The following NCOA2 variants were observed in gnomAD, a reference collection of about 807,000 sequenced individuals.
The protein encoded by NCOA2 is class E basic helix-loop-helix protein 75.
In NCOA2, 21 loss-of-function variants were observed where a neutral mutation model predicts 145.1. That is an observed-to-expected ratio of 0.14 (90% confidence interval 0.10 to 0.21). NCOA2 has a LOEUF of 0.21. NCOA2 is among the 10% of genes least tolerant of loss of function. NCOA2 has a pLI of 1.00. For missense variants in NCOA2, 1,472 were observed against 1,837.6 expected (o/e 0.80, Z 3.64); for synonymous variants, 619 against 637.5 (o/e 0.97, Z 0.44).
rs753457737 is a variant in NCOA2 at position 70,126,860 on chromosome 8, C to T, written c.3869G>A (p.Arg1290Gln). The T allele has an allele frequency of 1.3e-5, 21 of 1,613,902 alleles. No individual in the cohort carries two copies. The highest frequency in any genetic ancestry group is 1.7e-5 in the Non-Finnish European group (20 of 1,179,880). Residue 1290 changes from arginine (R) to glutamine (Q), a missense_variant, in exon 19 of 23, where the codon CGG becomes CAG. By Grantham distance (43) the Arg-to-Gln change is conservative. Transcript: ENST00000452400. ...CTGCTGTGCATTTGCCTGGGGAATCCGAGGGTTGCTCATAGTTGCTGGCAT... is the reference window on the plus strand; with the variant it reads ...CTGCTGTGCATTTGCCTGGGGAATCTGAGGGTTGCTCATAGTTGCTGGCAT... ...SGMPATMSNP[R>Q]IPQANAQQFP...
chr8:70,112,279 TATCTA>T lies in NCOA2; in HGVS notation c.*1348_*1352del, dbSNP rs1274464956. The T allele has an allele frequency of 5.1e-6, 1 of 196,128 alleles. No individual in the cohort carries two copies. Among genetic ancestry groups the T allele is most frequent in the Non-Finnish European group, 1.1e-5 (1 of 94,262 alleles). 12.1% of individuals were successfully genotyped at this position (196,128 alleles called of 1,614,324 possible). ...CCTTTAGGAGACATTGCTATGAAGA[TATCTA>T]ATTTAATACTGAAGTACCTCATTTT... On this transcript the variant is annotated 3_prime_UTR_variant, in exon 23 of 23. Coordinates refer to ENST00000452400, the MANE Select transcript of NCOA2 (RefSeq NM_006540.4).
chr8:70,196,433 G>A (rs903924468), intron 4 of NCOA2, among the ~76,000 whole-genome samples: 7 of 152,054 alleles, frequency 4.6e-5, no homozygotes, highest in African/African-American at 1.7e-4. Context: ...CACCTATGAT[G>A]GATATACATC....
chr8:70,441,269 A>C, the NCOA2 span, among the ~76,000 whole-genome samples: 1 of 150,488 alleles, frequency 6.6e-6, no homozygotes, highest in Non-Finnish European at 1.5e-5. Context: ...GAAAGAGAAA[A>C]AAGGAAAGAA....
intron 1 of NCOA2, among the ~76,000 whole-genome samples, chr8:70,383,091 G>C (rs1456450622): frequency 6.6e-6 from 1 of 152,208 alleles, no homozygotes; most frequent in Non-Finnish European, 1.5e-5. Flanking sequence ...GGTGAACTCT[G>C]GACAGAGCGC....
rs375278459 is a variant in NCOA2, at chr8:70,392,222, T to C, written c.-77+11478A>G. On this transcript the variant is annotated intron_variant, in intron 1 of 22. Coordinates refer to ENST00000452400, the MANE Select transcript of NCOA2 (RefSeq NM_006540.4). The stretch of plus-strand genomic sequence containing the variant: ...ACAAGAACACACTGAAATAACAGTA[T>C]TTAGCCTCTCATTCTACCACATTAT... Among the ~76,000 whole-genome samples, 4 of 152,172 alleles carry C rather than the reference T, an allele frequency of 2.6e-5. No individual in the cohort carries two copies. The South Asian group carries it at 8.3e-4, about 32-fold the overall frequency.
At chr8:70,316,512 G>A (rs1441879269) in intron 1 of NCOA2, among the ~76,000 whole-genome samples, 3 of 152,164 alleles carry the variant, frequency 2.0e-5, no homozygotes, top group African/African-American at 7.2e-5. Flanking sequence ...TCCCACTTCT[G>A]GGTATTGTTA....
chr8:70,332,122 G>A (rs1351303955), intron 1 of NCOA2, among the ~76,000 whole-genome samples: 9 of 152,144 alleles, frequency 5.9e-5, no homozygotes, highest in Non-Finnish European at 1.5e-5. Context: ...ACAGTAACTT[G>A]AATTAGAAGT....
intron 2 of NCOA2, among the ~76,000 whole-genome samples, chr8:70,234,127 T>C (rs886535815): frequency 6.6e-6 from 1 of 152,238 alleles, no homozygotes; most frequent in Non-Finnish European, 1.5e-5. Context: ...TGACCTTCTA[T>C]GTCTCACTTG....
At chr8:70,354,186 C>T (rs1174299922) in intron 1 of NCOA2, among the ~76,000 whole-genome samples, 1 of 152,104 alleles carries the variant, frequency 6.6e-6, no homozygotes, top group Non-Finnish European at 1.5e-5. Flanking sequence ...TTTCTTATAT[C>T]GTTAGGGCAT....
chr8:70,283,425 A>G (rs1826024958), intron 2 of NCOA2, among the ~76,000 whole-genome samples: 1 of 152,222 alleles, frequency 6.6e-6, no homozygotes, highest in African/African-American at 2.4e-5. Context: ...TGCTTTCAGT[A>G]TTGAGTCCAG....
intron 1 of NCOA2, among the ~76,000 whole-genome samples, chr8:70,304,632 ATTTTTTTG>A (rs1255979866): frequency 8.6e-5 from 13 of 151,070 alleles, no homozygotes; most frequent in South Asian, 2.1e-4. Flanking sequence ...TGCCCGGCTA[ATTTTTTTG>A]TTTTTTTGTT....
the NCOA2 span, among the ~76,000 whole-genome samples, chr8:70,449,097 C>A: frequency 6.6e-6 from 1 of 152,164 alleles, no homozygotes; most frequent in Admixed American, 6.5e-5. Flanking sequence ...TGAACCACAG[C>A]ACCTGGCCTA....
At chr8:70,246,022 A>C (rs1381127215) in intron 2 of NCOA2, among the ~76,000 whole-genome samples, 1 of 152,134 alleles carries the variant, frequency 6.6e-6, no homozygotes, top group Non-Finnish European at 1.5e-5. Flanking sequence ...CCAAGAAGAA[A>C]AATATTCCCA....
At chr8:70,232,359 C>T (rs984418361) in intron 2 of NCOA2, among the ~76,000 whole-genome samples, 3 of 152,192 alleles carry the variant, frequency 2.0e-5, no homozygotes, top group Non-Finnish European at 4.4e-5. Flanking sequence ...CAACAAGGGG[C>T]AGAGGGGCCC....
intron 1 of NCOA2, among the ~76,000 whole-genome samples, chr8:70,364,756 A>ACTC (rs1414328411): frequency 8.6e-5 from 13 of 152,018 alleles, no homozygotes; most frequent in African/African-American, 2.7e-4. Flanking sequence ...AAAAAAAAAA[A>ACTC]AACTAGCAAA....
intron 1 of NCOA2, among the ~76,000 whole-genome samples, chr8:70,353,483 T>A (rs1809424102): frequency 6.8e-6 from 1 of 147,438 alleles, no homozygotes; most frequent in East Asian, 2.0e-4. Flanking sequence ...TTTTTTAGCA[T>A]ACTAGATGGA....
At chr8:70,200,956 G>C (rs1310433652) in intron 4 of NCOA2, among the ~76,000 whole-genome samples, 2 of 146,882 alleles carry the variant, frequency 1.4e-5, no homozygotes, top group Admixed American at 7.1e-5. Context: ...GCTGAGGTGG[G>C]AGAATCACTT....
chr8:70,222,456 A>G (rs1485690996), intron 2 of NCOA2, among the ~76,000 whole-genome samples: 1 of 152,200 alleles, frequency 6.6e-6, no homozygotes, highest in Non-Finnish European at 1.5e-5. Flanking sequence ...CAGTATATAA[A>G]CAAATGTTTA....
chr8:70,231,301 G>T (rs1454134830), intron 2 of NCOA2, among the ~76,000 whole-genome samples: 1 of 152,210 alleles, frequency 6.6e-6, no homozygotes, highest in Non-Finnish European at 1.5e-5. Flanking sequence ...CCTAGTAATT[G>T]AATATCTTTG....
Sources: gnomAD v4.1 joint callset for allele counts (sites outside exome capture counted in the v4.1 genomes callset) on GRCh38, gnomAD v4.1.1 for gene constraint, MANE v1.5 for transcripts, NCBI Gene and HGNC (gene_info 2026-07-23, HGNC 2026-07-21) for gene names.